IMMP2L: variants seen among roughly 807,000 people sequenced by gnomAD.
The protein encoded by IMMP2L is mitochondrial inner membrane protease subunit 2.
A neutral mutation model predicts 19.3 loss-of-function variants in IMMP2L; 18 were observed. The observed-to-expected ratio is 0.93, with a 90% CI of 0.64 to 1.38. The LOEUF is 1.38. Ranked by LOEUF, IMMP2L falls within the 40% of genes most tolerant of loss-of-function variation. The probability of loss-of-function intolerance (pLI) is 0.00; values close to 1 mark genes in which losing one functional copy is unlikely to be tolerated. For missense variants in IMMP2L, 233 were observed against 218.2 expected, an observed-to-expected ratio of 1.07 and a Z score of -0.43; for synonymous variants, 76 against 73.0, an observed-to-expected ratio of 1.04 and a Z score of -0.21.
chr7:110,864,566 C>T (rs1341898810), intron 5 of IMMP2L, among the ~76,000 whole-genome samples: 1 of 151,962 alleles, frequency 6.6e-6, no homozygotes, highest in Non-Finnish European at 1.5e-5. Context: ...TTGAAGTTTT[C>T]TGTTGTTGTT....
At chr7:111,003,822 C>G (rs1823992453) in intron 3 of IMMP2L, among the ~76,000 whole-genome samples, 1 of 152,184 alleles carries the variant, frequency 6.6e-6, no homozygotes, top group East Asian at 1.9e-4. Flanking sequence ...GATTTAACGT[C>G]ATTAATTCCA....
chr7:111,533,531 A>G (rs1247126136), intron 1 of IMMP2L, among the ~76,000 whole-genome samples: 1 of 152,162 alleles, frequency 6.6e-6, no homozygotes, highest in Non-Finnish European at 1.5e-5. Context: ...CTAATACAAT[A>G]CAAAATGCAC....
chr7:111,235,256 G>A (rs915242159), intron 3 of IMMP2L, among the ~76,000 whole-genome samples: 2 of 152,026 alleles, frequency 1.3e-5, no homozygotes, highest in African/African-American at 4.8e-5. Context: ...CAGATCACCT[G>A]AGGTCAGGAG....
At chr7:111,140,307 A>G (rs1402087664) in intron 3 of IMMP2L, among the ~76,000 whole-genome samples, 1 of 152,156 alleles carries the variant, frequency 6.6e-6, no homozygotes, top group Admixed American at 6.6e-5. Flanking sequence ...TAAAACAACA[A>G]TAACAACAAA....
At chr7:110,687,829 C>G (rs1793222923) in intron 5 of IMMP2L, among the ~76,000 whole-genome samples, 2 of 151,866 alleles carry the variant, frequency 1.3e-5, no homozygotes, top group African/African-American at 4.8e-5. Flanking sequence ...AATCTTTCCA[C>G]CCACTCATCT....
chr7:111,515,516 A>G (rs1314916220), intron 2 of IMMP2L, among the ~76,000 whole-genome samples: 1 of 152,138 alleles, frequency 6.6e-6, no homozygotes, highest in Non-Finnish European at 1.5e-5. Flanking sequence ...TATCCATGTG[A>G]CAGCTACTGA....
chr7:111,218,133 A>G (rs1295898297), intron 3 of IMMP2L, among the ~76,000 whole-genome samples: 1 of 152,098 alleles, frequency 6.6e-6, no homozygotes, highest in Non-Finnish European at 1.5e-5. Flanking sequence ...CTATATATGA[A>G]TTGTTTAGCT....
intron 5 of IMMP2L, among the ~76,000 whole-genome samples, chr7:110,880,869 C>G (rs1182982758): frequency 5.9e-5 from 9 of 152,022 alleles, no homozygotes; most frequent in African/African-American, 2.2e-4. Flanking sequence ...AGTCTAATGA[C>G]AATTCTGCTG....
chr7:111,027,751 T>C (rs1452065682), intron 3 of IMMP2L, among the ~76,000 whole-genome samples: 1 of 152,116 alleles, frequency 6.6e-6, no homozygotes, highest in East Asian at 1.9e-4. Flanking sequence ...TGTTTCTCTA[T>C]GTGTTACACA....
At chr7:111,351,918 C>A (rs1207559821) in intron 3 of IMMP2L, among the ~76,000 whole-genome samples, 1 of 152,176 alleles carries the variant, frequency 6.6e-6, no homozygotes, top group African/African-American at 2.4e-5. Flanking sequence ...TAACATGCAG[C>A]TGAATCTGAT....
intron 3 of IMMP2L, among the ~76,000 whole-genome samples, chr7:111,229,700 G>C (rs1309464863): frequency 6.6e-6 from 1 of 151,830 alleles, no homozygotes; most frequent in Non-Finnish European, 1.5e-5. Context: ...AAAGAGAAAA[G>C]GAATTATCGT....
At chr7:111,540,714 C>T (rs1848437591) in intron 1 of IMMP2L, among the ~76,000 whole-genome samples, 1 of 152,188 alleles carries the variant, frequency 6.6e-6, no homozygotes, top group Non-Finnish European at 1.5e-5. Context: ...CTTTTCTATA[C>T]ATCCTAAAAT....
At chr7:110,923,335 T>C (rs1814504966) in intron 4 of IMMP2L, among the ~76,000 whole-genome samples, 1 of 152,112 alleles carries the variant, frequency 6.6e-6, no homozygotes, top group Non-Finnish European at 1.5e-5. Flanking sequence ...TGAGAATAAA[T>C]TAAAATAAAG....
chr7:110,879,740 T>TA (rs1206034113), intron 5 of IMMP2L, among the ~76,000 whole-genome samples: 1 of 152,148 alleles, frequency 6.6e-6, no homozygotes, highest in East Asian at 1.9e-4. Flanking sequence ...ATATCATACT[T>TA]ACAAAAAATA....
At chr7:111,265,073 G>A (rs951315168) in intron 3 of IMMP2L, among the ~76,000 whole-genome samples, 1 of 152,148 alleles carries the variant, frequency 6.6e-6, no homozygotes, top group African/African-American at 2.4e-5. Flanking sequence ...TCAAAGAGCT[G>A]TGGGATAATT....
intron 3 of IMMP2L, among the ~76,000 whole-genome samples, chr7:111,138,527 T>C (rs1280032147): frequency 6.6e-6 from 1 of 152,220 alleles, no homozygotes; most frequent in African/African-American, 2.4e-5. Context: ...GTTTCTTATA[T>C]AACCGCTTAT....
intron 3 of IMMP2L, among the ~76,000 whole-genome samples, chr7:111,117,206 A>C (rs1240592151): frequency 6.6e-6 from 1 of 152,160 alleles, no homozygotes; most frequent in East Asian, 1.9e-4. Flanking sequence ...CAAAGGTTAA[A>C]ATCAGATAAG....
intron 3 of IMMP2L, among the ~76,000 whole-genome samples, chr7:111,412,371 G>T (rs1834511365): frequency 6.6e-6 from 1 of 151,610 alleles, no homozygotes; most frequent in Non-Finnish European, 1.5e-5. Flanking sequence ...ATTTGCTAAT[G>T]CACGTAAAAA....
intron 3 of IMMP2L, among the ~76,000 whole-genome samples, chr7:111,270,278 G>A (rs1818316055): frequency 6.6e-6 from 1 of 152,136 alleles, no homozygotes; most frequent in South Asian, 2.1e-4. Context: ...TTACTTGAAA[G>A]TTATCATTAC....
Sources: gnomAD v4.1 joint callset for allele counts (sites outside exome capture counted in the v4.1 genomes callset) on GRCh38, gnomAD v4.1.1 for gene constraint, MANE v1.5 for transcripts, NCBI Gene and HGNC (gene_info 2026-07-23, HGNC 2026-07-21) for gene names.